NR4A3: variants seen among roughly 807,000 people sequenced by gnomAD.
The protein encoded by NR4A3 is chondrosarcoma, extraskeletal myxoid, fused to EWS.
NR4A3 carries 13 observed loss-of-function variants against 55.6 expected under a neutral mutation model. That is an observed-to-expected ratio of 0.23 (90% CI 0.15 to 0.37). The LOEUF (loss-of-function observed/expected upper bound fraction) is 0.37, where lower values mean the gene tolerates loss of function less well. Ranked by LOEUF, NR4A3 falls within the 10% of genes least tolerant of loss-of-function variation. NR4A3 has a pLI of 1.00. For missense variants in NR4A3, 646 were observed against 822.8 expected (o/e 0.79, Z 2.63); for synonymous variants, 342 against 357.9 (o/e 0.96, Z 0.50).
intron 3 of NR4A3, among the ~76,000 whole-genome samples, chr9:99,831,216 T>C (rs1457479373): frequency 6.6e-6 from 1 of 152,202 alleles, no homozygotes; most frequent in East Asian, 1.9e-4. Flanking sequence ...GCACTCAAAT[T>C]GGCATAAAGC....
intron 7 of NR4A3, among the ~76,000 whole-genome samples, chr9:99,859,640 T>A (rs1052373395): frequency 6.6e-6 from 1 of 152,190 alleles, no homozygotes; most frequent in Non-Finnish European, 1.5e-5. Flanking sequence ...GAATAAATAA[T>A]GGTTGCCATA....
rs1190639701 is a variant in NR4A3, at chr9:99,825,096, A to G, written c.-176-563A>G. 6.6e-6 allele frequency among the ~76,000 whole-genome samples: 1 copy of G among 152,052 alleles called. No individual in the cohort carries two copies. On this transcript the variant is annotated intron_variant, in intron 1 of 7. Transcript: ENST00000395097. The surrounding 1 kb of genome is among the most constrained non-coding windows in gnomAD (Gnocchi z 5.0). ...CTAATAGAAGCGAAGCTCCATTAGC[A>G]TTTAGAATGAAAAGCGCAGACTTTC...
intron 5 of NR4A3, among the ~76,000 whole-genome samples, chr9:99,840,337 C>G (rs567267649): frequency 1.3e-5 from 2 of 152,288 alleles, no homozygotes; most frequent in African/African-American, 4.8e-5. Context: ...TGCAGAGGAC[C>G]CTGGGTGAAA....
Position 99,866,729 on chromosome 9 carries a change from T to G in NR4A3, c.*2862T>G, listed in dbSNP as rs1013856212. The G allele has an allele frequency of 4.5e-6, 1 of 222,536 alleles. No homozygotes were observed. Among genetic ancestry groups the G allele is most frequent in the African/African-American group, 2.2e-5 (1 of 44,708 alleles). The allele number at this position is 222,536 out of a possible 1,614,324, so 13.8% of individuals were successfully genotyped here. The stretch of plus-strand genomic sequence containing the variant: ...AAATCAGGAAGCCACCAGCTGTTAA[T>G]GGAGAGTGCCTTGCTTTTATTTCAG... On this transcript the variant is annotated 3_prime_UTR_variant, in exon 8 of 8. Coordinates refer to ENST00000395097, the MANE Select transcript of NR4A3 (RefSeq NM_006981.4).
chr9:99,833,362 C>A lies in NR4A3; in HGVS notation c.1162C>A (p.Gln388Lys). The change falls in exon 5 of 8, where the codon CAG becomes AAG. Residue 388 changes from glutamine (Q) to lysine (K), a missense_variant. Coordinates refer to ENST00000395097, the MANE Select transcript of NR4A3 (RefSeq NM_006981.4). ...PKSPLQQEPS[Q>K]PSPPSPPICM... The stretch of plus-strand genomic sequence containing the variant: ...GAGCCCATTACAACAGGAACCTTCT[C>A]AGCCCTCTCCACCTTCTCCTCCAAT... The A allele has an allele frequency of 6.2e-7, 1 of 1,614,156 alleles. No homozygotes were observed. Among genetic ancestry groups the A allele is most frequent in the African/African-American group, 1.3e-5 (1 of 75,046 alleles).
chr9:99,854,962 G>T (rs1042892331), intron 7 of NR4A3, among the ~76,000 whole-genome samples: 2 of 145,784 alleles, frequency 1.4e-5, no homozygotes, highest in African/African-American at 5.2e-5. Context: ...CTACCCATGA[G>T]CATGGAATGT....
chr9:99,849,433 G>C (rs1163905964), intron 7 of NR4A3, among the ~76,000 whole-genome samples: 1 of 152,030 alleles, frequency 6.6e-6, no homozygotes, highest in African/African-American at 2.4e-5. Flanking sequence ...GTCTCAAAGA[G>C]TATGGATTCC....
chr9:99,864,412 G>A lies in NR4A3; in HGVS notation c.*545G>A. On this transcript the variant is annotated 3_prime_UTR_variant, in exon 8 of 8. Transcript: ENST00000395097. ...TTATTTTAACAAATGGTGAAAGATG[G>A]AGGATTACCTACAAATCAGACATGG... 1 of 228,186 alleles carries A rather than the reference G, an allele frequency of 4.4e-6. No homozygotes were observed. The highest frequency in any genetic ancestry group is 8.7e-6 in the Non-Finnish European group (1 of 114,662). 14.1% of individuals were successfully genotyped at this position (228,186 alleles called of 1,614,324 possible). A position where few individuals can be genotyped will look rare whatever the true frequency, so the allele number is the denominator to read the frequency against.
At chr9:99,856,807 G>A (rs542896768) in intron 7 of NR4A3, among the ~76,000 whole-genome samples, 7 of 152,178 alleles carry the variant, frequency 4.6e-5, no homozygotes, top group African/African-American at 9.7e-5. Flanking sequence ...CTGCCTAAAC[G>A]GATTCTGCAT....
chr9:99,855,998 G>A (rs927895055), intron 7 of NR4A3, among the ~76,000 whole-genome samples: 1 of 151,998 alleles, frequency 6.6e-6, no homozygotes, highest in Non-Finnish European at 1.5e-5. Flanking sequence ...AAGCCCAAGA[G>A]GCAGAACTGG....
At chr9:99,835,924 T>C (rs1038018212) in intron 5 of NR4A3, among the ~76,000 whole-genome samples, 2 of 152,256 alleles carry the variant, frequency 1.3e-5, no homozygotes, top group Non-Finnish European at 2.9e-5. Context: ...CTTTGGGGCC[T>C]GGCTCAATTT....
At chr9:99,833,110 C>T (rs1827478992) in intron 4 of NR4A3, among the ~76,000 whole-genome samples, 172 bp from the exon 5 acceptor site, 1 of 152,160 alleles carries the variant, frequency 6.6e-6, no homozygotes, top group African/African-American at 2.4e-5. Context: ...CTGCTTGTTT[C>T]AACTCTCATG....
intron 7 of NR4A3, among the ~76,000 whole-genome samples, chr9:99,850,502 C>A (rs2118132842): frequency 6.6e-6 from 1 of 152,306 alleles, no homozygotes; most frequent in South Asian, 2.1e-4. Flanking sequence ...TGGTGCTGGT[C>A]CTCTTTCTGC....
At chr9:99,832,050 A>G (rs1009085326) in intron 3 of NR4A3, among the ~76,000 whole-genome samples, 1 of 152,130 alleles carries the variant, frequency 6.6e-6, no homozygotes, top group African/African-American at 2.4e-5. Flanking sequence ...TATAATAATG[A>G]TTTGTAATAA....
intron 2 of NR4A3, among the ~76,000 whole-genome samples, chr9:99,827,270 G>T (rs150537491): frequency 7.6e-6 from 1 of 130,802 alleles, no homozygotes; most frequent in Admixed American, 7.6e-5. Context: ...GTGTGTGTGT[G>T]TGTGTGTGTG....
intron 7 of NR4A3, among the ~76,000 whole-genome samples, chr9:99,862,905 T>C (rs550429768): frequency 6.6e-6 from 1 of 152,294 alleles, no homozygotes; most frequent in African/African-American, 2.4e-5. Context: ...CTTTGGCTTT[T>C]CCATCTCCAC....
At chr9:99,823,211 G>A (rs980744621) in intron 1 of NR4A3, among the ~76,000 whole-genome samples, 1 of 152,110 alleles carries the variant, frequency 6.6e-6, no homozygotes, top group Non-Finnish European at 1.5e-5. Context: ...CGCGCTTTTG[G>A]AGAAGTTGCT....
chr9:99,837,799 A>G (rs928510517), intron 5 of NR4A3, among the ~76,000 whole-genome samples: 3 of 152,224 alleles, frequency 2.0e-5, no homozygotes, highest in Non-Finnish European at 4.4e-5. Flanking sequence ...TCAGGTCAAT[A>G]GAGAAAGGAG....
At position 99,862,513 on chromosome 9, in the gene NR4A3, G is replaced by A. The variant is rs909734119; in HGVS notation, c.1634-1107G>A. On this transcript the variant is annotated intron_variant, in intron 7 of 7. Transcript: ENST00000395097. ...AGCAGTGAGCCAAGATCGCACCACT[G>A]CACCCCAGCCTAGGCAACAGAGTAA... Among the ~76,000 whole-genome samples, 7 of 121,780 alleles carry A rather than the reference G, an allele frequency of 5.7e-5. No individual in the cohort carries two copies. In the East Asian group the frequency reaches 1.9e-3, roughly 33 times the overall value. The allele number at this position is 121,780 out of a possible 152,430, so 79.9% of individuals were successfully genotyped here. A position where few individuals can be genotyped will look rare whatever the true frequency, so the allele number is the denominator to read the frequency against.
Sources: gnomAD v4.1 joint callset for allele counts (sites outside exome capture counted in the v4.1 genomes callset) on GRCh38, gnomAD v4.1.1 for gene constraint, Gnocchi (gnomAD v3.1) non-coding constraint, MANE v1.5 for transcripts, NCBI Gene and HGNC (gene_info 2026-07-23, HGNC 2026-07-21) for gene names.